RARB: variants seen among roughly 807,000 people sequenced by gnomAD.
RARB encodes the protein retinoic acid receptor beta.
RARB carries 17 observed loss-of-function variants against 51.9 expected under a neutral mutation model. The observed-to-expected ratio is 0.33, with a 90% CI of 0.22 to 0.49. The LOEUF is 0.49. Ranked by LOEUF, RARB falls within the 20% of genes least tolerant of loss-of-function variation. The probability of loss-of-function intolerance (pLI) is 0.99; values close to 1 mark genes in which losing one functional copy is unlikely to be tolerated. For missense variants in RARB, 369 were observed against 550.8 expected (o/e 0.67, Z 3.30); for synonymous variants, 215 against 195.4 (o/e 1.10, Z -0.84).
intron 2 of RARB, among the ~76,000 whole-genome samples, chr3:24,861,217 T>A (rs1158890842): frequency 6.6e-6 from 1 of 152,176 alleles, no homozygotes; most frequent in African/African-American, 2.4e-5. Context: ...TGGCATTACA[T>A]TGTATTAGGT....
intron 2 of RARB, among the ~76,000 whole-genome samples, chr3:25,470,710 C>T (rs1013628858): frequency 1.3e-5 from 2 of 152,122 alleles, no homozygotes; most frequent in Non-Finnish European, 2.9e-5. Flanking sequence ...CAATAAATAC[C>T]ATTTCCTCAG....
intron 5 of RARB, among the ~76,000 whole-genome samples, chr3:25,380,932 C>T (rs1359751306): frequency 1.3e-5 from 2 of 152,148 alleles, no homozygotes; most frequent in Non-Finnish European, 2.9e-5. Flanking sequence ...CTCTCCCATC[C>T]TTATCTCCTG....
At chr3:25,036,004 A>G (rs1045132157) in intron 2 of RARB, among the ~76,000 whole-genome samples, 11 of 152,188 alleles carry the variant, frequency 7.2e-5, no homozygotes, top group Non-Finnish European at 1.5e-5. Context: ...AACTGTAGGA[A>G]ATTGCTGTTT....
chr3:24,882,729 G>T (rs1445883996), intron 2 of RARB, among the ~76,000 whole-genome samples: 1 of 152,132 alleles, frequency 6.6e-6, no homozygotes, highest in Admixed American at 6.5e-5. Context: ...TTGTTACCCA[G>T]TCCACAGACA....
intron 2 of RARB, among the ~76,000 whole-genome samples, chr3:24,902,751 T>A (rs960592664): frequency 6.6e-6 from 1 of 152,170 alleles, no homozygotes; most frequent in East Asian, 1.9e-4. Flanking sequence ...AATGTTTCAT[T>A]TTACCTTTCT....
At position 25,145,500 on chromosome 3, in the gene RARB, CAAAA is replaced by C. The variant is rs61068783; in HGVS notation, c.-280+13297_-280+13300del. 9.9e-5 allele frequency among the ~76,000 whole-genome samples: 15 copies of C among 151,604 alleles called. No individual in the cohort carries two copies. In the South Asian group the frequency reaches 1.0e-3, roughly 11 times the overall value. ...TACTCATATTGAAAATTGTAAATTTCAAAAAAAAGAAAAAGAAATTGTACAGTTC... is the reference window on the plus strand; with the variant it reads ...TACTCATATTGAAAATTGTAAATTTCAAAAGAAAAAGAAATTGTACAGTTC... On this transcript the variant is annotated intron_variant, in intron 4 of 11. Coordinates refer to the RARB transcript ENST00000383772.
intron 2 of RARB, among the ~76,000 whole-genome samples, chr3:25,482,818 C>T (rs1001540257): frequency 2.0e-5 from 3 of 151,954 alleles, no homozygotes; most frequent in East Asian, 1.9e-4. Context: ...GGATTACAGG[C>T]GTGAGCCACC....
chr3:25,033,480 C>T (rs1464747897), intron 2 of RARB, among the ~76,000 whole-genome samples: 1 of 152,176 alleles, frequency 6.6e-6, no homozygotes, highest in Non-Finnish European at 1.5e-5. Context: ...TGAAATGGGA[C>T]TGCACAGGGA....
intron 2 of RARB, among the ~76,000 whole-genome samples, chr3:25,042,506 C>A (rs769404960): frequency 1.1e-4 from 17 of 152,190 alleles, no homozygotes; most frequent in East Asian, 3.9e-4. Flanking sequence ...GCCATCTGAT[C>A]TGGGTCTTTC....
chr3:25,231,148 A>C lies in RARB; in HGVS notation c.178+56573A>C, dbSNP rs1347496475. Reference sequence around the variant, plus strand: ...ATACCAAGAAGCCAAGAGCAAATTTACACATTGCTATTAACATTTTAAGTG... The same window carrying C: ...ATACCAAGAAGCCAAGAGCAAATTTCCACATTGCTATTAACATTTTAAGTG... On this transcript the variant is annotated intron_variant, in intron 5 of 11. Transcript: ENST00000383772. 2.6e-5 allele frequency among the ~76,000 whole-genome samples: 4 copies of C among 152,308 alleles called. No homozygotes were observed. In the South Asian group the frequency reaches 6.2e-4, roughly 24 times the overall value.
chr3:25,308,908 G>T (rs1260154060), intron 5 of RARB, among the ~76,000 whole-genome samples: 1 of 152,156 alleles, frequency 6.6e-6, no homozygotes, highest in Non-Finnish European at 1.5e-5. Context: ...TTCTACCAAT[G>T]TGGAGTTAGG....
intron 5 of RARB, among the ~76,000 whole-genome samples, chr3:25,323,825 A>T (rs181689369): frequency 6.6e-6 from 1 of 152,208 alleles, no homozygotes; most frequent in African/African-American, 2.4e-5. Flanking sequence ...TATGACTTCA[A>T]AACCCAAGAA....
At chr3:25,170,098 C>T (rs965005595) in intron 4 of RARB, among the ~76,000 whole-genome samples, 4 of 151,956 alleles carry the variant, frequency 2.6e-5, no homozygotes, top group African/African-American at 7.3e-5. Context: ...TTATCAGTCT[C>T]AAGCAGGGGT....
At chr3:24,895,999 C>A (rs1347561133) in intron 2 of RARB, among the ~76,000 whole-genome samples, 1 of 152,148 alleles carries the variant, frequency 6.6e-6, no homozygotes, top group Non-Finnish European at 1.5e-5. Context: ...CAAATATTGT[C>A]TATACATACA....
intron 5 of RARB, among the ~76,000 whole-genome samples, chr3:25,305,678 G>A (rs1178720793): frequency 6.6e-6 from 1 of 152,154 alleles, no homozygotes; most frequent in Admixed American, 6.5e-5. Context: ...GAGCCATGGT[G>A]TCCACGACAC....
intron 2 of RARB, among the ~76,000 whole-genome samples, chr3:25,468,464 TGAGGTAACA>T (rs1005536583): frequency 2.7e-5 from 4 of 147,704 alleles, no homozygotes; most frequent in Non-Finnish European, 5.9e-5. Context: ...ATTTTATAGA[TGAGGTAACA>T]GAGGGTCCGA....
intron 5 of RARB, among the ~76,000 whole-genome samples, chr3:25,401,195 C>T (rs1707253564): frequency 6.6e-6 from 1 of 152,116 alleles, no homozygotes; most frequent in Non-Finnish European, 1.5e-5. Context: ...AGGACAACAC[C>T]ATAAGGGTAG....
rs558963095 is a variant in RARB, at chr3:25,247,091, C to A, written c.178+72516C>A. Among the ~76,000 whole-genome samples the A allele has an allele frequency of 3.3e-5, 5 of 152,350 alleles. No homozygotes were observed. In the East Asian group the frequency reaches 9.7e-4, roughly 29 times the overall value. Reference sequence around the variant, plus strand: ...GGAGCTGCAGTGGGCTCCGCCCAGTCAGAACTAGCTGGGAGCTTCATTTAC... The same window carrying A: ...GGAGCTGCAGTGGGCTCCGCCCAGTAAGAACTAGCTGGGAGCTTCATTTAC... On this transcript the variant is annotated intron_variant, in intron 5 of 11. Coordinates refer to the RARB transcript ENST00000383772.
intron 4 of RARB, among the ~76,000 whole-genome samples, chr3:25,579,144 G>C (rs1701066099): frequency 6.6e-6 from 1 of 152,064 alleles, no homozygotes; most frequent in Admixed American, 6.5e-5. Flanking sequence ...TTTATTTTTT[G>C]AATTAAAATT....
Sources: allele counts gnomAD v4.1 joint callset (sites outside exome capture counted in the v4.1 genomes callset), GRCh38; gene constraint gnomAD v4.1.1; transcripts MANE v1.5; gene names NCBI Gene and HGNC (gene_info 2026-07-23, HGNC 2026-07-21).